Variants in GRIA2 observed in about 807,000 individuals in gnomAD.
GRIA2 encodes the protein glutamate receptor 2.
In GRIA2, 14 loss-of-function variants were observed where a neutral mutation model predicts 97.3. The ratio of observed to expected loss-of-function variants is 0.14; its 90% CI spans 0.10 to 0.23. The LOEUF is 0.23. Among genes scored for constraint, GRIA2 ranks in the 10% least tolerant of loss-of-function variants. GRIA2 has a pLI of 1.00. For missense variants in GRIA2, 558 were observed against 1,069.8 expected (o/e 0.52, Z 6.67); for synonymous variants, 412 against 387.8 (o/e 1.06, Z -0.73).
intron 2 of GRIA2, among the ~76,000 whole-genome samples, chr4:157,235,737 A>G (rs1730215162): frequency 6.6e-6 from 1 of 152,082 alleles, no homozygotes; most frequent in South Asian, 2.1e-4. Flanking sequence ...TATTTTGCAT[A>G]TGATTTTTTT....
chr4:157,268,916 G>A (rs1261294034), intron 2 of GRIA2, among the ~76,000 whole-genome samples: 6 of 152,018 alleles, frequency 3.9e-5, no homozygotes, highest in South Asian at 2.1e-4. Flanking sequence ...TTAGCAAATG[G>A]TATGGGCATG....
intron 2 of GRIA2, among the ~76,000 whole-genome samples, chr4:157,252,705 A>T (rs1293068682): frequency 6.6e-6 from 1 of 152,156 alleles, no homozygotes; most frequent in African/African-American, 2.4e-5. Context: ...CAAGCACAAG[A>T]TAGACCAGTG....
chr4:157,318,652 C>CT (rs1734428936), intron 5 of GRIA2, among the ~76,000 whole-genome samples: 1 of 152,040 alleles, frequency 6.6e-6, no homozygotes, highest in African/African-American at 2.4e-5. Context: ...CTAGAAATTT[C>CT]TTTTTTCAAA....
intron 12 of GRIA2, among the ~76,000 whole-genome samples, chr4:157,348,626 C>T (rs1412521960): frequency 2.0e-5 from 3 of 152,048 alleles, no homozygotes; most frequent in African/African-American, 4.8e-5. Flanking sequence ...GCTATTTCAT[C>T]GTGTCTTTAA....
rs189855516 is a variant in GRIA2, at chr4:157,222,538, C to G, written c.229+731C>G. Among the ~76,000 whole-genome samples, 532 of 152,218 alleles carry G rather than the reference C, an allele frequency of 3.5e-3. 2 individuals are homozygous for G. The highest frequency in any genetic ancestry group is 0.018 in the East Asian group (90 of 5,136). On this transcript the variant is annotated intron_variant, in intron 2 of 15. Transcript: ENST00000264426. ...AATTTCTCCTGCTCAGTTGCGCTTC[C>G]GCTTAAGTTGGAGGGGGCGAGGCCG...
At chr4:157,244,285 G>A (rs1730635165) in intron 2 of GRIA2, among the ~76,000 whole-genome samples, 1 of 152,000 alleles carries the variant, frequency 6.6e-6, no homozygotes, top group Admixed American at 6.6e-5. Flanking sequence ...TCAGCAGGAG[G>A]CAAAGCACAC....
intron 12 of GRIA2, among the ~76,000 whole-genome samples, chr4:157,347,152 A>T (rs1338766602): frequency 1.3e-5 from 2 of 152,136 alleles, no homozygotes; most frequent in African/African-American, 4.8e-5. Flanking sequence ...AAATAAGGAG[A>T]TGTAGAAGAA....
At chr4:157,304,730 A>G (rs1733763497) in intron 3 of GRIA2, among the ~76,000 whole-genome samples, 1 of 152,182 alleles carries the variant, frequency 6.6e-6, no homozygotes, top group Non-Finnish European at 1.5e-5. Flanking sequence ...GGTTCAAATG[A>G]AAACCCAGAA....
chr4:157,342,395 G>C (rs962981448), intron 12 of GRIA2: 27 of 984,002 alleles, frequency 2.7e-5, no homozygotes, highest in African/African-American at 5.2e-5. Flanking sequence ...TTCTGGGAGT[G>C]GGGGTGGTAG....
In GRIA2 at chr4:157,359,185, T is replaced by G. The variant is rs1490100935; in HGVS notation, c.2044-711T>G. On this transcript the variant is annotated intron_variant, in intron 12 of 15. Transcript: ENST00000264426. ...AGTCCATTAAGTTTTAAGATAAATA[T>G]TCCTTTAATAATACAGTTTCAATTA... Among the ~76,000 whole-genome samples, 3 of 152,318 alleles carry G rather than the reference T, an allele frequency of 2.0e-5. No homozygotes were observed. The East Asian group carries it at 5.8e-4, about 29-fold the overall frequency.
Position 157,223,226 on chromosome 4 carries a change from G to A in GRIA2, c.229+1419G>A, listed in dbSNP as rs190326843. On this transcript the variant is annotated intron_variant, in intron 2 of 15. Coordinates refer to ENST00000264426, the MANE Select transcript of GRIA2 (RefSeq NM_001083619.3). The stretch of plus-strand genomic sequence containing the variant: ...TCAACTCTTGCAACTACTGTCACCC[G>A]GACGAATGAAGAAACAATTTTCTTA... Among the ~76,000 whole-genome samples the A allele has an allele frequency of 3.5e-4, 53 of 152,206 alleles. 1 individual carries two copies. Among genetic ancestry groups the A allele is most frequent in the Admixed American group, 3.5e-3 (53 of 15,288 alleles).
chr4:157,343,076 T>C (rs1490677991), intron 12 of GRIA2, among the ~76,000 whole-genome samples: 3 of 152,084 alleles, frequency 2.0e-5, no homozygotes, highest in Admixed American at 6.6e-5. Context: ...GGGAAAAGAA[T>C]GTTGCTACTC....
intron 6 of GRIA2, among the ~76,000 whole-genome samples, chr4:157,326,452 A>G (rs1223807361): frequency 6.6e-6 from 1 of 152,220 alleles, no homozygotes; most frequent in Non-Finnish European, 1.5e-5. Context: ...GGCTCCTAGA[A>G]TAAATCCTCA....
chr4:157,326,581 C>G (rs1734812043), intron 6 of GRIA2, among the ~76,000 whole-genome samples: 1 of 151,960 alleles, frequency 6.6e-6, no homozygotes, highest in African/African-American at 2.4e-5. Flanking sequence ...AAAGGCTTCT[C>G]AATGGGAGCA....
chr4:157,230,167 C>G (rs1729936471), intron 2 of GRIA2, among the ~76,000 whole-genome samples: 1 of 152,160 alleles, frequency 6.6e-6, no homozygotes, highest in Non-Finnish European at 1.5e-5. Flanking sequence ...CTAAAATTCT[C>G]TGTATCAAAA....
chr4:157,328,903 C>T (rs1437204797), intron 6 of GRIA2, among the ~76,000 whole-genome samples: 1 of 151,954 alleles, frequency 6.6e-6, no homozygotes, highest in Non-Finnish European at 1.5e-5. Flanking sequence ...CTTGCCAATG[C>T]AGCTCCCTTT....
At chr4:157,295,117 A>G (rs560693983) in intron 2 of GRIA2, among the ~76,000 whole-genome samples, 9 of 152,292 alleles carry the variant, frequency 5.9e-5, no homozygotes, top group Admixed American at 5.9e-4. Flanking sequence ...GAATGAAGCC[A>G]GAATAAATGT....
chr4:157,314,751 G>A (rs1364325987), intron 4 of GRIA2, among the ~76,000 whole-genome samples: 2 of 152,120 alleles, frequency 1.3e-5, no homozygotes, highest in Non-Finnish European at 2.9e-5. Flanking sequence ...CGTCCATATG[G>A]ACATCTATTC....
intron 2 of GRIA2, among the ~76,000 whole-genome samples, chr4:157,285,711 C>A (rs1172257134): frequency 6.6e-6 from 1 of 151,426 alleles, no homozygotes; most frequent in Admixed American, 6.6e-5. Flanking sequence ...GGCTTCTACG[C>A]TCTGTGTACT....
Sources: allele counts gnomAD v4.1 joint callset (sites outside exome capture counted in the v4.1 genomes callset), GRCh38; gene constraint gnomAD v4.1.1; transcripts MANE v1.5; gene names NCBI Gene and HGNC (gene_info 2026-07-23, HGNC 2026-07-21).